CCDC60: variants seen among roughly 807,000 people sequenced by gnomAD.
CCDC60 encodes coiled-coil domain containing 60, also known as coiled-coil domain-containing protein 60.
CCDC60 carries 54 observed loss-of-function variants against 63.5 expected under a neutral mutation model. The observed-to-expected ratio is 0.85, with a 90% CI of 0.68 to 1.07. The LOEUF (loss-of-function observed/expected upper bound fraction) is 1.07. CCDC60 is among the 50% of genes least tolerant of loss of function. The pLI is 0.00. For missense variants in CCDC60, 651 were observed against 684.3 expected (o/e 0.95, Z 0.54); for synonymous variants, 206 against 238.8 (o/e 0.86, Z 1.27).
At position 119,540,720 on chromosome 12, in the gene CCDC60, G is replaced by A. The variant is rs764167517; in HGVS notation, c.*5G>A. On this transcript the variant is annotated 3_prime_UTR_variant, in exon 14 of 14. Transcript: ENST00000327554. ...CCCTACAGCGCCCTGAGGTAGGCTGGGCCTGGGTTGACCAGCTGTCTCAGT... is the reference window on the plus strand; with the variant it reads ...CCCTACAGCGCCCTGAGGTAGGCTGAGCCTGGGTTGACCAGCTGTCTCAGT... The A allele has an allele frequency of 2.5e-6, 4 of 1,604,328 alleles. No homozygotes were observed. In the African/African-American group the frequency reaches 4.0e-5, roughly 16 times the overall value.
At chr12:119,502,261 C>T (rs1043479823) in intron 6 of CCDC60, among the ~76,000 whole-genome samples, 22 of 152,164 alleles carry the variant, frequency 1.4e-4, no homozygotes, top group Admixed American at 6.5e-4. Context: ...AAAAAACTTA[C>T]ATTTTTATAT....
At chr12:119,490,196 G>A (rs916743749) in intron 5 of CCDC60, among the ~76,000 whole-genome samples, 15 of 152,158 alleles carry the variant, frequency 9.9e-5, no homozygotes, top group Non-Finnish European at 2.1e-4. Flanking sequence ...AGGACCCAGA[G>A]AAACTAACCT....
intron 2 of CCDC60, among the ~76,000 whole-genome samples, chr12:119,448,331 A>G (rs1950576337): frequency 6.6e-6 from 1 of 152,252 alleles, no homozygotes; most frequent in Non-Finnish European, 1.5e-5. Flanking sequence ...TCCAGGATTC[A>G]GACAGACCGA....
intron 2 of CCDC60, among the ~76,000 whole-genome samples, chr12:119,445,487 G>A (rs1355806640): frequency 1.2e-5 from 1 of 84,884 alleles, no homozygotes; most frequent in Non-Finnish European, 2.2e-5. Context: ...TTTCTGCCCT[G>A]AGCTAAAAAA....
In CCDC60 at chr12:119,516,713, T is replaced by C. The variant is rs763945512; in HGVS notation, c.968+6T>C. ...ATGCAAAGAAAAGCACCCAGGTATG[T>C]GCTCTTGACTCCTGGGGCAAATAAA... On this transcript the variant is annotated splice_donor_region_variant and intron_variant, in intron 8 of 13. Transcript: ENST00000327554. 1.9e-6 allele frequency: 3 copies of C among 1,590,002 alleles called. No individual in the cohort carries two copies. The highest frequency in any genetic ancestry group is 2.6e-6 in the Non-Finnish European group (3 of 1,158,930).
At chr12:119,455,937 AAGAG>A (rs146576566) in intron 2 of CCDC60, among the ~76,000 whole-genome samples, 64,938 of 125,154 alleles carry the variant, frequency 0.52, 17,991 homozygotes, top group South Asian at 0.7. Context: ...AAGAAAGAGA[AAGAG>A]AGAGAAAGGA....
chr12:119,353,830 TG>T (rs1350725739), intron 1 of CCDC60, among the ~76,000 whole-genome samples: 5 of 152,118 alleles, frequency 3.3e-5, no homozygotes, highest in Non-Finnish European at 7.3e-5. Flanking sequence ...CCCAGCACTT[TG>T]GTATGCCAAG....
chr12:119,484,671 C>A (rs1319902057), intron 4 of CCDC60, among the ~76,000 whole-genome samples: 5 of 151,888 alleles, frequency 3.3e-5, no homozygotes, highest in Non-Finnish European at 7.4e-5. Context: ...CAAAATCACG[C>A]CACCGCACTC....
chr12:119,476,747 G>T (rs1437218891), intron 3 of CCDC60, among the ~76,000 whole-genome samples: 1 of 152,098 alleles, frequency 6.6e-6, no homozygotes, highest in Non-Finnish European at 1.5e-5. Flanking sequence ...TGCCTCTCCA[G>T]CCCCAGCTCA....
At chr12:119,468,226 G>A (rs779936265) in intron 2 of CCDC60, among the ~76,000 whole-genome samples, 1 of 151,982 alleles carries the variant, frequency 6.6e-6, no homozygotes, top group Non-Finnish European at 1.5e-5. Context: ...CAAGAGGTGG[G>A]GGTTGCAGTG....
chr12:119,438,648 A>T (rs1239343055), intron 2 of CCDC60, among the ~76,000 whole-genome samples: 1 of 152,250 alleles, frequency 6.6e-6, no homozygotes, highest in Non-Finnish European at 1.5e-5. Context: ...GATGAGGAAT[A>T]TATGACTAGA....
chr12:119,395,968 C>T (rs1233889344), intron 1 of CCDC60, among the ~76,000 whole-genome samples: 6 of 151,876 alleles, frequency 4.0e-5, no homozygotes, highest in East Asian at 3.9e-4. Context: ...GATGGAGTCT[C>T]GCTCTGTTGC....
intron 1 of CCDC60, among the ~76,000 whole-genome samples, chr12:119,417,881 C>A (rs187756731): frequency 6.6e-6 from 1 of 152,276 alleles, no homozygotes; most frequent in Admixed American, 6.5e-5. Context: ...TTCCTTTATT[C>A]CCAAAGCACG....
chr12:119,519,450 T>C (rs1264856382), intron 8 of CCDC60, among the ~76,000 whole-genome samples: 6 of 131,934 alleles, frequency 4.5e-5, no homozygotes, highest in Admixed American at 3.1e-4. Context: ...TGTGTGTGTG[T>C]GTATATATAT....
intron 7 of CCDC60, among the ~76,000 whole-genome samples, chr12:119,515,796 C>T (rs919278443): frequency 2.0e-5 from 3 of 152,146 alleles, no homozygotes; most frequent in Non-Finnish European, 4.4e-5. Flanking sequence ...AGCTGGAGGT[C>T]TGGATTTTCA....
In CCDC60 at chr12:119,393,127, G is replaced by A. The variant is rs544943382; in HGVS notation, c.91-35556G>A. Among the ~76,000 whole-genome samples, 156 of 152,312 alleles carry A rather than the reference G, an allele frequency of 1.0e-3. 1 individual carries two copies. Among genetic ancestry groups the A allele is most frequent in the African/African-American group, 3.6e-3 (151 of 41,570 alleles). ...TGCAGTGAGTTGTAATTGCACCACT[G>A]CACTCCAGCCTGGGTGACAGAGCAA... On this transcript the variant is annotated intron_variant, in intron 1 of 13. Coordinates refer to ENST00000327554, the MANE Select transcript of CCDC60 (RefSeq NM_178499.5).
chr12:119,385,350 T>C (rs1472760271), intron 1 of CCDC60, among the ~76,000 whole-genome samples: 1 of 152,168 alleles, frequency 6.6e-6, no homozygotes, highest in Non-Finnish European at 1.5e-5. Flanking sequence ...TCATCTTGAA[T>C]TGTAGCTCCC....
chr12:119,374,801 G>T (rs552637052), intron 1 of CCDC60, among the ~76,000 whole-genome samples: 1 of 152,258 alleles, frequency 6.6e-6, no homozygotes, highest in South Asian at 2.1e-4. Context: ...CAGAACTGAG[G>T]GTTCCTCCTC....
At chr12:119,479,255 G>T in intron 4 of CCDC60, 54 bp downstream of exon 4, 1 of 1,254,608 alleles carries the variant, frequency 8.0e-7, no homozygotes, top group South Asian at 1.2e-5. Flanking sequence ...AATTGAAGCC[G>T]AACTGAAATG....
Sources: allele counts gnomAD v4.1 joint callset (sites outside exome capture counted in the v4.1 genomes callset), GRCh38; gene constraint gnomAD v4.1.1; transcripts MANE v1.5; gene names NCBI Gene and HGNC (gene_info 2026-07-23, HGNC 2026-07-21).